Variants in DENND1C observed in about 807,000 individuals in gnomAD.
The protein encoded by DENND1C is DENN domain containing 1C.
DENND1C carries 64 observed loss-of-function variants against 87.9 expected under a neutral mutation model. That is an observed-to-expected ratio of 0.73 (90% CI 0.60 to 0.90). DENND1C has a LOEUF of 0.90. Among genes scored for constraint, DENND1C ranks in the 40% least tolerant of loss-of-function variants. The probability of loss-of-function intolerance (pLI) is 0.00; values close to 1 mark genes in which losing one functional copy is unlikely to be tolerated. For missense variants in DENND1C, 980 were observed against 1,037.0 expected, an observed-to-expected ratio of 0.95 and a Z score of 0.76; for synonymous variants, 384 against 424.4, an observed-to-expected ratio of 0.90 and a Z score of 1.17.
intron 20 of DENND1C, 56 bp downstream of exon 20, chr19:6,468,790 G>T: frequency 6.9e-7 from 1 of 1,452,202 alleles, no homozygotes; most frequent in Non-Finnish European, 9.2e-7. Flanking sequence ...GACTGGGATG[G>T]GTAGAGGATT....
intron 14 of DENND1C, among the ~76,000 whole-genome samples, chr19:6,474,667 T>A (rs2092848202): frequency 6.6e-6 from 1 of 152,156 alleles, no homozygotes; most frequent in Admixed American, 6.6e-5. Flanking sequence ...TCTAATATCC[T>A]TTTGGGTGGC....
chr19:6,468,986 C>T (rs752431328), intron 19 of DENND1C, 33 bp from the exon 20 acceptor site: 41 of 1,267,730 alleles, frequency 3.2e-5, no homozygotes, highest in Non-Finnish European at 4.2e-5. Flanking sequence ...GGAACCTCTG[C>T]CACAGAGTCT....
At chr19:6,479,151 G>A in intron 4 of DENND1C, 95 bp from the exon 5 acceptor site, 6 of 1,519,312 alleles carry the variant, frequency 3.9e-6, no homozygotes, top group Non-Finnish European at 5.3e-6. Flanking sequence ...CTGAGTGTAT[G>A]GGTCTCTAGT....
chr19:6,478,000 G>A (rs2092873191), intron 6 of DENND1C, among the ~76,000 whole-genome samples: 1 of 151,692 alleles, frequency 6.6e-6, no homozygotes, highest in Admixed American at 6.6e-5. Context: ...GCCTGAACCC[G>A]GAATGCGGAG....
intron 19 of DENND1C, 79 bp from the exon 20 acceptor site, chr19:6,469,032 T>C (rs2092813449): frequency 1.2e-5 from 1 of 84,306 alleles, no homozygotes; most frequent in Non-Finnish European, 2.3e-5. Context: ...TTAGTTAGTC[T>C]TTTTTTTTTT....
rs1357413769 is a variant in DENND1C, at chr19:6,476,886, C to G, written c.649G>C (p.Val217Leu). 2 of 1,613,042 alleles carry G rather than the reference C, an allele frequency of 1.2e-6. No homozygotes were observed. The highest frequency in any genetic ancestry group is 4.5e-5 in the East Asian group (2 of 44,868). The change falls in exon 10 of 23, where the codon GTC becomes CTC. Residue 217 changes from valine to leucine, a missense_variant. Physicochemically the swap from Val to Leu is conservative, Grantham distance 32. Transcript: ENST00000381480. ...LFAALLAERRVLLTASKLSTL... is the reference protein window; with the variant it reads ...LFAALLAERRLLLTASKLSTL... ...CTGAGTTTGCTGGCGGTGAGCAGGA[C>G]TCTTCTCTCGGCCAGGAGCGCCGCG...
Position 6,477,137 on chromosome 19 carries a change from G to C in DENND1C, c.514-10C>G. 6.2e-7 allele frequency: 1 copy of C among 1,602,706 alleles called. No individual in the cohort carries two copies. The highest frequency in any genetic ancestry group is 1.1e-5 in the South Asian group (1 of 90,226). ...CCACGAAGCAGGAAAGCTGGTGGGG[G>C]TATTGGCAGGGGGATCAATCAGTCA... On this transcript the variant is annotated splice_polypyrimidine_tract_variant and intron_variant, in intron 8 of 22. Coordinates refer to ENST00000381480, the MANE Select transcript of DENND1C (RefSeq NM_024898.4).
chr19:6,479,527 G>A, intron 4 of DENND1C, 142 bp downstream of exon 4: 1 of 1,009,278 alleles, frequency 9.9e-7, no homozygotes, highest in Non-Finnish European at 1.5e-6. Flanking sequence ...TAGTTCTCAG[G>A]GCCCCTGAGT....
Position 6,477,412 on chromosome 19 carries a change from A to G in DENND1C, c.413T>C (p.Leu138Pro). 1 of 1,610,648 alleles carries G rather than the reference A, an allele frequency of 6.2e-7. No homozygotes were observed. Among genetic ancestry groups the G allele is most frequent in the South Asian group, 1.1e-5 (1 of 91,024 alleles). ...ELLQNLFQQS[L>P]SGPQASVGLE... ...CCCCACTGAGGCCTGGGGCCCAGAC[A>G]GGGACTGCTGAAACAGATTTTGAAG... Residue 138 changes from leucine (L) to proline (P), a missense_variant, in exon 7 of 23, where the codon CTG becomes CCG. Leu to Pro is a moderately conservative substitution (Grantham distance 98). Coordinates refer to ENST00000381480, the MANE Select transcript of DENND1C (RefSeq NM_024898.4).
chr19:6,476,172 G>T, intron 10 of DENND1C: 1 of 522,148 alleles, frequency 1.9e-6, no homozygotes, highest in Non-Finnish European at 3.4e-6. Flanking sequence ...CTCTGTAAGG[G>T]GCGCAGTTAA....
intron 20 of DENND1C, 62 bp from the exon 21 acceptor site, chr19:6,468,707 T>C: frequency 1.4e-6 from 2 of 1,402,492 alleles, no homozygotes; most frequent in Non-Finnish European, 1.9e-6. Context: ...TGAGGCTTGC[T>C]GGAGAAGGGT....
chr19:6,477,479 C>CG (rs2092869490), intron 6 of DENND1C, 21 bp from the exon 7 acceptor site: 1 of 754,438 alleles, frequency 1.3e-6, no homozygotes, highest in Admixed American at 2.0e-5. Flanking sequence ...CGTGGAGGGG[C>CG]GGGGGTGGCT....
rs532829601 is a variant in DENND1C at position 6,479,117 on chromosome 19, C to T, written c.177-61G>A. ...TCCCAGCTGTCTGAGGATGTCCCCG[C>T]TCCCCAACAAAGCTCCTAGGACCCT... On this transcript the variant is annotated intron_variant, in intron 4 of 22. Transcript: ENST00000381480. 1.3e-5 allele frequency: 21 copies of T among 1,601,192 alleles called. No homozygotes were observed. The African/African-American group carries it at 2.3e-4, about 17-fold the overall frequency.
At position 6,468,604 on chromosome 19, in the gene DENND1C, C is replaced by T; in HGVS notation, c.1557G>A (p.Glu519=). 4 of 1,514,316 alleles carry T rather than the reference C, an allele frequency of 2.6e-6. No individual in the cohort carries two copies. In the South Asian group the frequency reaches 5.4e-5, roughly 21 times the overall value. The allele number at this position is 1,514,316 out of a possible 1,614,324, so 93.8% of individuals were successfully genotyped here. ...CCGCCCCTGGGGGCTCGGAAGTTCCCTCTTCCAGCTGGCGTCTCCTGCTGG... is the reference window on the plus strand; with the variant it reads ...CCGCCCCTGGGGGCTCGGAAGTTCCTTCTTCCAGCTGGCGTCTCCTGCTGG... ...LRPSRRRQLE[E]GTSEPPGAGT... is the part of the protein sequence containing the mutation. Residue 519 remains glutamate (E), a synonymous_variant, in exon 21 of 23, where the codon GAG becomes GAA. Transcript: ENST00000381480.
rs377583501 is a variant in DENND1C, at chr19:6,481,771, G to A, written c.-76C>T. The A allele has an allele frequency of 2.6e-5, 38 of 1,450,664 alleles. No homozygotes were observed. In the Admixed American group the frequency reaches 2.8e-4, roughly 11 times the overall value. The allele number at this position is 1,450,664 out of a possible 1,614,324, so 89.9% of individuals were successfully genotyped here. Reference sequence around the variant, plus strand: ...GCCTGTGTATGCTGGGCCCCAAGCCGGCTCAGCTTCCTGTGTGGCTGAGAG... The same window carrying A: ...GCCTGTGTATGCTGGGCCCCAAGCCAGCTCAGCTTCCTGTGTGGCTGAGAG... On this transcript the variant is annotated 5_prime_UTR_variant, in exon 1 of 23. Coordinates refer to ENST00000381480, the MANE Select transcript of DENND1C (RefSeq NM_024898.4).
chr19:6,468,691 G>T, intron 20 of DENND1C, 46 bp from the exon 21 acceptor site: 1 of 1,429,146 alleles, frequency 7.0e-7, no homozygotes, highest in South Asian at 1.5e-5. Flanking sequence ...TGCAGAATCG[G>T]GGGGCTGAGG....
chr19:6,478,913 C>A (rs200170818), intron 5 of DENND1C, 24 bp downstream of exon 5: 7 of 1,613,826 alleles, frequency 4.3e-6, no homozygotes, highest in African/African-American at 1.3e-5. Flanking sequence ...TCCCATCCCC[C>A]CCTCCAACCC....
chr19:6,472,521 G>T (rs2145188779), intron 15 of DENND1C, among the ~76,000 whole-genome samples: 1 of 152,336 alleles, frequency 6.6e-6, no homozygotes, highest in African/African-American at 2.4e-5. Flanking sequence ...CTCCTGAGTA[G>T]CTGGGATTAT....
At chr19:6,479,093 CCCAGCTGTCT>C (rs1184659688) in intron 4 of DENND1C, 37 bp from the exon 5 acceptor site, 1 of 1,612,090 alleles carries the variant, frequency 6.2e-7, no homozygotes, top group Non-Finnish European at 8.5e-7. Flanking sequence ...ACCTGGACAT[CCCAGCTGTCT>C]GAGGATGTCC....
Sources: allele counts gnomAD v4.1 joint callset (sites outside exome capture counted in the v4.1 genomes callset), GRCh38; gene constraint gnomAD v4.1.1; transcripts MANE v1.5; gene names NCBI Gene and HGNC (gene_info 2026-07-23, HGNC 2026-07-21).